AUH: variants seen among roughly 807,000 people sequenced by gnomAD.
AUH encodes AU RNA binding methylglutaconyl-CoA hydratase.
AUH carries 29 observed loss-of-function variants against 42.3 expected under a neutral mutation model. The ratio of observed to expected loss-of-function variants is 0.69; its 90% CI spans 0.51 to 0.93. The LOEUF (loss-of-function observed/expected upper bound fraction) is 0.93. Among genes scored for constraint, AUH ranks in the 40% least tolerant of loss-of-function variants. The pLI, the probability that AUH is intolerant of heterozygous loss-of-function variation, is 0.00. For missense variants in AUH, 452 were observed against 438.1 expected (o/e 1.03, Z -0.28); for synonymous variants, 174 against 166.4 (o/e 1.05, Z -0.35).
intron 6 of AUH, among the ~76,000 whole-genome samples, chr9:91,234,496 CCAGAGT>C (rs1828067814): frequency 6.6e-6 from 1 of 151,932 alleles, no homozygotes; most frequent in Non-Finnish European, 1.5e-5. Flanking sequence ...TTTAGGGTAG[CCAGAGT>C]CAATTTCTAT....
intron 6 of AUH, among the ~76,000 whole-genome samples, chr9:91,275,543 C>A (rs990637303): frequency 6.6e-6 from 1 of 152,142 alleles, no homozygotes; most frequent in African/African-American, 2.4e-5. Context: ...TGCAAAAGTA[C>A]AGTTAGATAA....
intron 8 of AUH, 97 bp downstream of exon 8, chr9:91,217,180 A>C: frequency 7.8e-7 from 1 of 1,283,336 alleles, no homozygotes; most frequent in Non-Finnish European, 1.1e-6. Flanking sequence ...ACCATATTTT[A>C]GAACTTTAAA....
At chr9:91,255,115 A>T (rs1027206900) in intron 6 of AUH, among the ~76,000 whole-genome samples, 1 of 152,254 alleles carries the variant, frequency 6.6e-6, no homozygotes, top group East Asian at 1.9e-4. Flanking sequence ...GAGGTTTGGA[A>T]TTGTAGACTT....
intron 3 of AUH, among the ~76,000 whole-genome samples, chr9:91,350,252 A>C (rs1831861238): frequency 6.6e-6 from 1 of 152,242 alleles, no homozygotes; most frequent in African/African-American, 2.4e-5. Context: ...AGTGTATAAA[A>C]TTTTAAGAAC....
At chr9:91,263,339 A>G (rs1340976558) in intron 6 of AUH, among the ~76,000 whole-genome samples, 1 of 152,238 alleles carries the variant, frequency 6.6e-6, no homozygotes, top group Non-Finnish European at 1.5e-5. Context: ...ACTAATAGTA[A>G]AAAAGCACAA....
chr9:91,262,512 A>G (rs772100444), intron 6 of AUH, among the ~76,000 whole-genome samples: 12 of 152,172 alleles, frequency 7.9e-5, no homozygotes, highest in Non-Finnish European at 1.8e-4. Flanking sequence ...CCAGCATATG[A>G]GAGTAAACTT....
intron 6 of AUH, among the ~76,000 whole-genome samples, chr9:91,279,781 C>T (rs1167551120): frequency 1.3e-5 from 2 of 152,196 alleles, no homozygotes; most frequent in African/African-American, 4.8e-5. Flanking sequence ...TATCTAAACT[C>T]TATCACAAGC....
At chr9:91,321,803 G>A (rs1262247480) in intron 4 of AUH, among the ~76,000 whole-genome samples, 1 of 152,142 alleles carries the variant, frequency 6.6e-6, no homozygotes, top group Non-Finnish European at 1.5e-5. Context: ...ATTTGGGTAT[G>A]CATAAATAAA....
At chr9:91,303,734 C>T (rs1827997215) in intron 4 of AUH, among the ~76,000 whole-genome samples, 1 of 152,192 alleles carries the variant, frequency 6.6e-6, no homozygotes, top group Non-Finnish European at 1.5e-5. Flanking sequence ...TGCTGGAAGT[C>T]TGAATACTAA....
intron 9 of AUH, among the ~76,000 whole-genome samples, chr9:91,215,517 T>C (rs1023353928): frequency 6.6e-6 from 1 of 152,230 alleles, no homozygotes; most frequent in South Asian, 2.1e-4. Flanking sequence ...TCAGTACAGA[T>C]GCAACCATCT....
chr9:91,304,871 A>G (rs897605154), intron 4 of AUH, among the ~76,000 whole-genome samples: 16 of 152,230 alleles, frequency 1.1e-4, no homozygotes, highest in African/African-American at 3.9e-4. Context: ...GCACCAAGTA[A>G]CAGAGGTGTG....
chr9:91,289,142 G>T, intron 6 of AUH, among the ~76,000 whole-genome samples: 1 of 152,056 alleles, frequency 6.6e-6, no homozygotes, highest in East Asian at 1.9e-4. Context: ...ATTTCATTTG[G>T]ATTAACTTAC....
chr9:91,318,929 T>C (rs565446634), intron 4 of AUH, among the ~76,000 whole-genome samples: 5 of 152,364 alleles, frequency 3.3e-5, no homozygotes, highest in African/African-American at 1.2e-4. Context: ...CTCTTGTTAT[T>C]TTGGCTTCTT....
At chr9:91,327,567 AAAT>A (rs1168932726) in intron 3 of AUH, among the ~76,000 whole-genome samples, 2 of 152,048 alleles carry the variant, frequency 1.3e-5, no homozygotes, top group Non-Finnish European at 2.9e-5. Context: ...TCACTCAATA[AAAT>A]TCTTCTCTGC....
intron 6 of AUH, among the ~76,000 whole-genome samples, chr9:91,225,227 C>T (rs1827370193): frequency 1.3e-5 from 2 of 152,230 alleles, no homozygotes; most frequent in Admixed American, 6.5e-5. Context: ...TCATAGCTCA[C>T]TGTAGCATCC....
intron 6 of AUH, among the ~76,000 whole-genome samples, chr9:91,279,966 A>G (rs1190807924): frequency 6.6e-6 from 1 of 152,192 alleles, no homozygotes; most frequent in East Asian, 1.9e-4. Flanking sequence ...TCTTGTTATC[A>G]TTAGACTTGA....
intron 6 of AUH, among the ~76,000 whole-genome samples, chr9:91,270,901 G>A (rs1417298472): frequency 6.6e-6 from 1 of 152,012 alleles, no homozygotes; most frequent in African/African-American, 2.4e-5. Context: ...GGTTGCTACT[G>A]CCCAATTAAA....
intron 6 of AUH, among the ~76,000 whole-genome samples, chr9:91,238,629 G>A (rs542151864): frequency 6.6e-6 from 1 of 152,210 alleles, no homozygotes; most frequent in Non-Finnish European, 1.5e-5. Flanking sequence ...AGATATACTT[G>A]AAATGTAATA....
chr9:91,246,919 G>A (rs569196443), intron 6 of AUH, among the ~76,000 whole-genome samples: 7 of 152,134 alleles, frequency 4.6e-5, no homozygotes, highest in Non-Finnish European at 8.8e-5. Context: ...CCTAAGCAGC[G>A]GAGCCATGCC....
Sources: gnomAD v4.1 joint callset for allele counts (sites outside exome capture counted in the v4.1 genomes callset) on GRCh38, gnomAD v4.1.1 for gene constraint, MANE v1.5 for transcripts, NCBI Gene and HGNC (gene_info 2026-07-23, HGNC 2026-07-21) for gene names.